The following HNRNPCL2 variants were observed in gnomAD, a reference collection of about 807,000 sequenced individuals.
HNRNPCL2 encodes heterogeneous nuclear ribonucleoprotein C-like 2.
Under a neutral mutation model 18.2 loss-of-function variants are expected in HNRNPCL2, and 17 were observed. The observed-to-expected ratio is 0.94, with a 90% confidence interval of 0.64 to 1.40. The LOEUF is 1.40. Among genes scored for constraint, HNRNPCL2 ranks in the 40% most tolerant of loss-of-function variants. The pLI, the probability that HNRNPCL2 is intolerant of heterozygous loss-of-function variation, is 0.00. For missense variants in HNRNPCL2, 358 were observed against 357.1 expected, an observed-to-expected ratio of 1.00 and a Z score of -0.02; for synonymous variants, 133 against 129.9, an observed-to-expected ratio of 1.02 and a Z score of -0.16.
rs1215686851 is a variant in HNRNPCL2 at position 13,116,352 on chromosome 1, G to T, written c.49C>A (p.Arg17Ser). 2 of 1,613,046 alleles carry T rather than the reference G, an allele frequency of 1.2e-6. No individual in the cohort carries two copies. Among genetic ancestry groups the T allele is most frequent in the South Asian group, 2.2e-5 (2 of 91,026 alleles). The part of the protein sequence containing the change: ...NKMDPHSVNS[R>S]VFIGNLNTLV... ...GTGTTGAGATTCCCAATGAACACAC[G>T]GGAGTTCACGGAGTGAGGATCCATC... Residue 17 changes from arginine to serine, a missense_variant, in exon 2 of 2, where the codon CGT (arginine) becomes AGT (serine). Coordinates refer to ENST00000621994, the MANE Select transcript of HNRNPCL2 (RefSeq NM_001136561.3).
At position 13,116,249 on chromosome 1, in the gene HNRNPCL2, C is replaced by T. The variant is rs760357724; in HGVS notation, c.152G>A (p.Gly51Asp). 1.9e-6 allele frequency: 3 copies of T among 1,612,376 alleles called. No homozygotes were observed. In the African/African-American group the frequency reaches 4.0e-5, roughly 22 times the overall value. Residue 51 changes from glycine (G) to aspartate (D), a missense_variant, in exon 2 of 2, where the codon GGC becomes GAC. Gly to Asp is a moderately conservative substitution (Grantham distance 94, BLOSUM62 -1). Transcript: ENST00000621994. ...GKIAGCSVHK[G>D]FAFVQYDKEK... is the part of the protein sequence containing the mutation. ...CTTATCATATTGAACGAAGGCAAAGCCCTTATGAACAGAGCAGCCCGCAAT... is the reference window on the plus strand; with the variant it reads ...CTTATCATATTGAACGAAGGCAAAGTCCTTATGAACAGAGCAGCCCGCAAT...
intron 1 of HNRNPCL2, 24 bp from the exon 2 acceptor site, chr1:13,116,605 C>T: frequency 9.4e-7 from 1 of 1,060,828 alleles, no homozygotes; most frequent in African/African-American, 1.6e-5. Context: ...AAGAAAAGCA[C>T]AACAACATTT....
Position 13,115,928 on chromosome 1 carries a change from C to G in HNRNPCL2, c.473G>C (p.Ser158Thr), listed in dbSNP as rs765694743. The change falls in exon 2 of 2, where the codon AGT becomes ACT. Residue 158 changes from serine (S) to threonine (T), a missense_variant. Coordinates refer to ENST00000621994, the MANE Select transcript of HNRNPCL2 (RefSeq NM_001136561.3). ...CTTTCCACTCTTAGAATTGAAGCCACTTTTGCCCCTTCGTGAGGTGTTTCC... is the reference window on the plus strand; with the variant it reads ...CTTTCCACTCTTAGAATTGAAGCCAGTTTTGCCCCTTCGTGAGGTGTTTCC... ...ISGNTSRRGK[S>T]GFNSKSGKRG... The G allele has an allele frequency of 1.2e-6, 2 of 1,613,026 alleles. No homozygotes were observed. The highest frequency in any genetic ancestry group is 1.7e-6 in the Non-Finnish European group (2 of 1,179,668).
At position 13,115,488 on chromosome 1, in the gene HNRNPCL2, T is replaced by G; in HGVS notation, c.*31A>C. ...GACAAGCTCCTAGGTAAAGAAACAATGGGATAAGATTTCTCAACCCCACTA... is the reference window on the plus strand; with the variant it reads ...GACAAGCTCCTAGGTAAAGAAACAAGGGGATAAGATTTCTCAACCCCACTA... On this transcript the variant is annotated 3_prime_UTR_variant, in exon 2 of 2. Coordinates refer to ENST00000621994, the MANE Select transcript of HNRNPCL2 (RefSeq NM_001136561.3). 6.5e-7 allele frequency: 1 copy of G among 1,535,766 alleles called. No homozygotes were observed. The highest frequency in any genetic ancestry group is 1.8e-4 in the Middle Eastern group (1 of 5,668).
chr1:13,115,725 T>C lies in HNRNPCL2; in HGVS notation c.676A>G (p.Ser226Gly), dbSNP rs774083375. Residue 226 changes from serine to glycine, a missense_variant, in exon 2 of 2, where the codon AGT becomes GGT. By Grantham distance (56) the Ser-to-Gly change is moderately conservative. Transcript: ENST00000621994. ...GTCTCATCTTTCTTCATGGAGCTACTGCTCTGCTCCTCTTCTGACTTAGCA... is the reference window on the plus strand; with the variant it reads ...GTCTCATCTTTCTTCATGGAGCTACCGCTCTGCTCCTCTTCTGACTTAGCA... ...KNAKSEEEQS[S>G]SSMKKDETHV... is the part of the protein sequence containing the mutation. The C allele has an allele frequency of 6.2e-7, 1 of 1,613,654 alleles. No individual in the cohort carries two copies. Among genetic ancestry groups the C allele is most frequent in the South Asian group, 1.1e-5 (1 of 91,072 alleles).
In HNRNPCL2 at chr1:13,116,284, C is replaced by A. The variant is rs757829311; in HGVS notation, c.117G>T (p.Lys39Asn). Reference sequence around the variant, plus strand: ...CAGAGCAGCCCGCAATTTTGCCATACTTGGAAAAGATCGCCTCCACATCAG... The same window carrying A: ...CAGAGCAGCCCGCAATTTTGCCATAATTGGAAAAGATCGCCTCCACATCAG... ...KKSDVEAIFS[K>N]YGKIAGCSVH... The change falls in exon 2 of 2, where the codon AAG becomes AAT. Residue 39 changes from lysine to asparagine, a missense_variant. Coordinates refer to ENST00000621994, the MANE Select transcript of HNRNPCL2 (RefSeq NM_001136561.3). 1.2e-6 allele frequency: 2 copies of A among 1,612,170 alleles called. No individual in the cohort carries two copies. Among genetic ancestry groups the A allele is most frequent in the Non-Finnish European group, 1.7e-6 (2 of 1,179,550 alleles).
rs1011496829 is a variant in HNRNPCL2, at chr1:13,116,063, T to C, written c.338A>G (p.Tyr113Cys). 7 of 1,613,252 alleles carry C rather than the reference T, an allele frequency of 4.3e-6. No homozygotes were observed. In the African/African-American group the frequency reaches 8.1e-5, roughly 19 times the overall value. Residue 113 changes from tyrosine to cysteine, a missense_variant, in exon 2 of 2, where the codon TAT (tyrosine) becomes TGT (cysteine). Tyr to Cys is a radical substitution (Grantham distance 194). Coordinates refer to ENST00000621994, the MANE Select transcript of HNRNPCL2 (RefSeq NM_001136561.3). ...EMYGSSFDLD[Y>C]GFQRDYYDGM... ...ATCATAATAATCCCGTTGAAAGCCATAGTCCAAGTCAAAAGAGGAGCCGTA... is the reference window on the plus strand; with the variant it reads ...ATCATAATAATCCCGTTGAAAGCCACAGTCCAAGTCAAAAGAGGAGCCGTA...
Position 13,115,629 on chromosome 1 carries a change from C to T in HNRNPCL2, c.772G>A (p.Asp258Asn), listed in dbSNP as rs1339088701. ...AEEGDPLDDD[D>N]NEDQGDNQLH... ...TGGTTGTCCCCCTGATCTTCATTATCATCATCATCCAGTGGGTCCCCCTCC... is the reference window on the plus strand; with the variant it reads ...TGGTTGTCCCCCTGATCTTCATTATTATCATCATCCAGTGGGTCCCCCTCC... The change falls in exon 2 of 2, where the codon GAT becomes AAT. Residue 258 changes from aspartate (D) to asparagine (N), a missense_variant. Coordinates refer to ENST00000621994, the MANE Select transcript of HNRNPCL2 (RefSeq NM_001136561.3). The T allele has an allele frequency of 1.9e-6, 3 of 1,613,446 alleles. No individual in the cohort carries two copies. The highest frequency in any genetic ancestry group is 2.7e-5 in the African/African-American group (2 of 74,548).
rs28634306 is a variant in HNRNPCL2, at chr1:13,115,753, T to C, written c.648A>G (p.Lys216=). 6.2e-7 allele frequency: 1 copy of C among 1,613,598 alleles called. No individual in the cohort carries two copies. Residue 216 remains lysine, a synonymous_variant, in exon 2 of 2, where the codon AAA becomes AAG. Transcript: ENST00000621994. ...TCTGCTCCTCTTCTGACTTAGCATTTTTCACCTCTACCTCTTGTTTGCTCT... is the reference window on the plus strand; with the variant it reads ...TCTGCTCCTCTTCTGACTTAGCATTCTTCACCTCTACCTCTTGTTTGCTCT... ...KEQSKQEVEV[K]NAKSEEEQSS...
chr1:13,115,774 G>C lies in HNRNPCL2; in HGVS notation c.627C>G (p.Ser209Arg). Reference protein sequence around the residue: ...ENLEKIEKEQSKQEVEVKNAK... With the variant: ...ENLEKIEKEQRKQEVEVKNAK... ...CATTTTTCACCTCTACCTCTTGTTT[G>C]CTCTGTTCCTTTTCAATTTTTTCCA... is the stretch of plus-strand genomic sequence containing the variant. The change falls in exon 2 of 2, where the codon AGC becomes AGG. Residue 209 changes from serine (S) to arginine (R), a missense_variant. Physicochemically the swap from Ser to Arg is moderately radical, Grantham distance 110 (BLOSUM62 -1). Transcript: ENST00000621994. 6.2e-7 allele frequency: 1 copy of C among 1,613,372 alleles called. No individual in the cohort carries two copies. The highest frequency in any genetic ancestry group is 1.1e-5 in the South Asian group (1 of 91,054).
rs750758227 is a variant in HNRNPCL2 at position 13,116,342 on chromosome 1, A to G, written c.59T>C (p.Ile20Thr). ...GACAACAAGAGTGTTGAGATTCCCA[A>G]TGAACACACGGGAGTTCACGGAGTG... ...DPHSVNSRVF[I>T]GNLNTLVVKK... The change falls in exon 2 of 2, where the codon ATT becomes ACT. Residue 20 changes from isoleucine to threonine, a missense_variant. By Grantham distance (89) the Ile-to-Thr change is moderately conservative (BLOSUM62 -1). Coordinates refer to ENST00000621994, the MANE Select transcript of HNRNPCL2 (RefSeq NM_001136561.3). 4.2e-5 allele frequency: 68 copies of G among 1,613,078 alleles called. No individual in the cohort carries two copies. The highest frequency in any genetic ancestry group is 9.4e-5 in the African/African-American group (7 of 74,504).
chr1:13,116,622 T>C, intron 1 of HNRNPCL2, 41 bp from the exon 2 acceptor site: 1 of 978,454 alleles, frequency 1.0e-6, no homozygotes, highest in Non-Finnish European at 1.4e-6. Context: ...ATTTTTGAAA[T>C]CACGACAAAA....
At position 13,116,417 on chromosome 1, in the gene HNRNPCL2, G is replaced by A. The variant is rs766646522; in HGVS notation, c.-17C>T. ...GCTGGCCATTGTGTTGGATGATAAGGTTTCTCAAAAAGCCAAAAACAGGAG... is the reference window on the plus strand; with the variant it reads ...GCTGGCCATTGTGTTGGATGATAAGATTTCTCAAAAAGCCAAAAACAGGAG... On this transcript the variant is annotated 5_prime_UTR_variant, in exon 2 of 2. Transcript: ENST00000621994. 14 of 1,592,908 alleles carry A rather than the reference G, an allele frequency of 8.8e-6. No homozygotes were observed. In the Admixed American group the frequency reaches 1.8e-4, roughly 20 times the overall value.
Position 13,115,556 on chromosome 1 carries a change from T to A in HNRNPCL2, c.845A>T (p.Asp282Val). Reference protein sequence around the residue: ...NNEKDAEEGEDNRDSTNGQDD... With the variant: ...NNEKDAEEGEVNRDSTNGQDD... ...CTGGCCATTGGTGCTGTCTCTGTTA[T>A]CCTCTCCTTCCTCAGCATCTTTTTC... is the stretch of plus-strand genomic sequence containing the variant. The change falls in exon 2 of 2, where the codon GAT (aspartate) becomes GTT (valine). Residue 282 changes from aspartate to valine, a missense_variant. Transcript: ENST00000621994. 6.2e-7 allele frequency: 1 copy of A among 1,612,364 alleles called. No individual in the cohort carries two copies. The highest frequency in any genetic ancestry group is 8.5e-7 in the Non-Finnish European group (1 of 1,179,372).
intron 1 of HNRNPCL2, 57 bp from the exon 2 acceptor site, chr1:13,116,638 T>A: frequency 1.2e-6 from 1 of 862,008 alleles, no homozygotes; most frequent in Non-Finnish European, 1.7e-6. Flanking sequence ...CAAAATTGCA[T>A]TTAGAAAAAA....
rs1163114703 is a variant in HNRNPCL2 at position 13,116,181 on chromosome 1, T to C, written c.220A>G (p.Met74Val). 1 of 1,610,250 alleles carries C rather than the reference T, an allele frequency of 6.2e-7. No individual in the cohort carries two copies. Among genetic ancestry groups the C allele is most frequent in the African/African-American group, 1.3e-5 (1 of 74,404 alleles). ...ATAACTGCAACCTGGCTAGCAATCATTCTGCCATCCTCTCCTGCTACAGCA... is the reference window on the plus strand; with the variant it reads ...ATAACTGCAACCTGGCTAGCAATCACTCTGCCATCCTCTCCTGCTACAGCA... ...RAAVAGEDGR[M>V]IASQVAVINL... The change falls in exon 2 of 2, where the codon ATG (methionine) becomes GTG (valine). Residue 74 changes from methionine to valine, a missense_variant. Coordinates refer to ENST00000621994, the MANE Select transcript of HNRNPCL2 (RefSeq NM_001136561.3).
chr1:13,116,404 G>A lies in HNRNPCL2; in HGVS notation c.-4C>T, dbSNP rs1553182694. ...TGTTGGTAACGTTGCTGGCCATTGT[G>A]TTGGATGATAAGGTTTCTCAAAAAG... On this transcript the variant is annotated 5_prime_UTR_variant, in exon 2 of 2. Coordinates refer to ENST00000621994, the MANE Select transcript of HNRNPCL2 (RefSeq NM_001136561.3). 6 of 1,608,904 alleles carry A rather than the reference G, an allele frequency of 3.7e-6. 1 individual carries two copies. The highest frequency in any genetic ancestry group is 3.3e-5 in the South Asian group (3 of 90,178).
rs764529578 is a variant in HNRNPCL2 at position 13,116,269 on chromosome 1, C to G, written c.132G>C (p.Ala44=). ...EAIFSKYGKI[A]GCSVHKGFAF... ...CAAAGCCCTTATGAACAGAGCAGCC[C>G]GCAATTTTGCCATACTTGGAAAAGA... The change falls in exon 2 of 2, where the codon GCG becomes GCC. Residue 44 remains alanine (A), a synonymous_variant. Transcript: ENST00000621994. The G allele has an allele frequency of 6.2e-7, 1 of 1,612,410 alleles. No homozygotes were observed. Among genetic ancestry groups the G allele is most frequent in the South Asian group, 1.1e-5 (1 of 90,924 alleles).
chr1:13,116,414 A>G lies in HNRNPCL2; in HGVS notation c.-14T>C. The G allele has an allele frequency of 6.3e-7, 1 of 1,594,660 alleles. No homozygotes were observed. Among genetic ancestry groups the G allele is most frequent in the Admixed American group, 1.8e-5 (1 of 56,924 alleles). On this transcript the variant is annotated 5_prime_UTR_variant, in exon 2 of 2. Transcript: ENST00000621994. ...GTTGCTGGCCATTGTGTTGGATGATAAGGTTTCTCAAAAAGCCAAAAACAG... is the reference window on the plus strand; with the variant it reads ...GTTGCTGGCCATTGTGTTGGATGATGAGGTTTCTCAAAAAGCCAAAAACAG...
Sources: allele counts gnomAD v4.1 joint callset, GRCh38; gene constraint gnomAD v4.1.1; transcripts MANE v1.5; gene names NCBI Gene and HGNC (gene_info 2026-07-23, HGNC 2026-07-21).